IGSF11: variants seen among roughly 807,000 people sequenced by gnomAD.
IGSF11 encodes the protein immunoglobulin superfamily member 11.
IGSF11 carries 22 observed loss-of-function variants against 41.0 expected under a neutral mutation model. That is an observed-to-expected ratio of 0.54 (90% CI 0.38 to 0.77). The LOEUF is 0.77. Ranked by LOEUF, IGSF11 falls within the 30% of genes least tolerant of loss-of-function variation. IGSF11 has a pLI of 0.00. For missense variants in IGSF11, 444 were observed against 530.8 expected (o/e 0.84, Z 1.61); for synonymous variants, 219 against 201.3 (o/e 1.09, Z -0.74).
Position 118,904,817 on chromosome 3 carries a change from A to T in IGSF11, c.704-19T>A. On this transcript the variant is annotated intron_variant, in intron 5 of 6. Transcript: ENST00000393775. ...GGCTGGGCTGCAAAATATATTTAAG[A>T]TATATTTAAAGAAAAGAGAAAGAGA... 1 of 1,574,384 alleles carries T rather than the reference A, an allele frequency of 6.4e-7. No homozygotes were observed. The highest frequency in any genetic ancestry group is 8.6e-7 in the Non-Finnish European group (1 of 1,164,612).
chr3:119,040,913 A>G (rs957948688), intron 1 of IGSF11, among the ~76,000 whole-genome samples: 2 of 152,244 alleles, frequency 1.3e-5, no homozygotes, highest in Non-Finnish European at 2.9e-5. Flanking sequence ...AAATAATTCA[A>G]AATCAAGAAA....
intron 1 of IGSF11, among the ~76,000 whole-genome samples, chr3:118,990,714 G>A (rs1576573450): frequency 6.6e-6 from 1 of 152,110 alleles, no homozygotes; most frequent in East Asian, 1.9e-4. Context: ...CCCTTTCACT[G>A]TTTCTAACCC....
At chr3:119,105,784 C>T (rs2077013089), upstream of IGSF11, among the ~76,000 whole-genome samples, 1 of 152,160 alleles carries the variant, frequency 6.6e-6, no homozygotes, top group South Asian at 2.1e-4. Context: ...ATATCCAGGT[C>T]TTTCTCAGCC....
intron 4 of IGSF11, among the ~76,000 whole-genome samples, chr3:118,907,465 G>A (rs1939753569): frequency 6.6e-6 from 1 of 152,076 alleles, no homozygotes; most frequent in East Asian, 1.9e-4. Flanking sequence ...GGGGGATAGG[G>A]GAGCATACAG....
At chr3:118,976,053 T>C (rs1934062735) in intron 1 of IGSF11, among the ~76,000 whole-genome samples, 1 of 152,052 alleles carries the variant, frequency 6.6e-6, no homozygotes, top group Non-Finnish European at 1.5e-5. Flanking sequence ...AAACAGAACA[T>C]GAAACCGATA....
At chr3:118,961,869 C>CTGT (rs548429503) in intron 1 of IGSF11, among the ~76,000 whole-genome samples, 253 of 152,314 alleles carry the variant, frequency 1.7e-3, no homozygotes, top group African/African-American at 5.6e-3. Context: ...GCCATGGTTA[C>CTGT]TGTTAAGTTT....
At chr3:119,037,082 TA>T (rs1364292678), upstream of IGSF11, among the ~76,000 whole-genome samples, 2 of 152,208 alleles carry the variant, frequency 1.3e-5, no homozygotes, top group African/African-American at 2.4e-5. Context: ...GTGTGGTTTT[TA>T]AAAAAATTCA....
intron 1 of IGSF11, among the ~76,000 whole-genome samples, chr3:119,121,692 T>C (rs1233106023): frequency 6.7e-6 from 1 of 150,100 alleles, no homozygotes. Flanking sequence ...CATAAATGAG[T>C]CTGTAAATCC....
intron 1 of IGSF11, among the ~76,000 whole-genome samples, chr3:119,136,030 G>A (rs58529366): frequency 0.08 from 12,135 of 152,104 alleles, 642 homozygotes; most frequent in Admixed American, 0.16. Context: ...ACTTGGACAC[G>A]GGGAAGGGAA....
At chr3:119,046,533 G>A (rs1169668722) in intron 1 of IGSF11, among the ~76,000 whole-genome samples, 1 of 151,896 alleles carries the variant, frequency 6.6e-6, no homozygotes, top group African/African-American at 2.4e-5. Context: ...GTACCTGAAA[G>A]TGATGGGGAG....
rs1379184255 is a variant in IGSF11 at position 118,989,823 on chromosome 3, C to T, written c.52+44708G>A. Among the ~76,000 whole-genome samples the T allele has an allele frequency of 5.9e-5, 9 of 152,228 alleles. No individual in the cohort carries two copies. In the East Asian group the frequency reaches 1.7e-3, roughly 29 times the overall value. On this transcript the variant is annotated intron_variant, in intron 1 of 6. Coordinates refer to ENST00000393775, the MANE Select transcript of IGSF11 (RefSeq NM_001015887.3). ...AGGAGCAATGAATAGAGTGACATAA[C>T]AGAAGTACTATTTTCTATACTATAC...
intron 4 of IGSF11, among the ~76,000 whole-genome samples, chr3:118,920,876 A>G (rs7635851): frequency 6.6e-6 from 1 of 152,044 alleles, no homozygotes; most frequent in Non-Finnish European, 1.5e-5. Context: ...TAACACCTGC[A>G]ATATAATGGC....
chr3:118,970,770 C>T (rs958726602), intron 1 of IGSF11, among the ~76,000 whole-genome samples: 4 of 146,976 alleles, frequency 2.7e-5, no homozygotes, highest in East Asian at 2.0e-4. Context: ...AAAAAAACCA[C>T]AACTAATTTT....
At chr3:118,911,482 G>A (rs949776048) in intron 4 of IGSF11, among the ~76,000 whole-genome samples, 7 of 152,056 alleles carry the variant, frequency 4.6e-5, no homozygotes, top group South Asian at 2.1e-4. Context: ...TTGGGAGGCC[G>A]ACGCATTTGA....
upstream of IGSF11, among the ~76,000 whole-genome samples, chr3:119,107,578 G>A (rs1000417575): frequency 6.6e-6 from 1 of 151,924 alleles, no homozygotes; most frequent in Admixed American, 6.6e-5. Context: ...CTGTGCAGAA[G>A]CTCTTTAGTT....
At chr3:118,940,179 A>C (rs78378304) in intron 1 of IGSF11, among the ~76,000 whole-genome samples, 3,895 of 152,284 alleles carry the variant, frequency 0.026, 140 homozygotes, top group African/African-American at 0.089. Context: ...TGCAGATTGT[A>C]GTCACTGCAA....
intron 1 of IGSF11, among the ~76,000 whole-genome samples, chr3:119,061,815 C>T (rs1352736055): frequency 1.3e-5 from 2 of 150,766 alleles, no homozygotes; most frequent in Non-Finnish European, 2.9e-5. Flanking sequence ...TTTAAATATA[C>T]ATCAAAATTA....
At chr3:118,953,384 T>C (rs1164251250) in intron 1 of IGSF11, among the ~76,000 whole-genome samples, 5 of 152,362 alleles carry the variant, frequency 3.3e-5, no homozygotes, top group Non-Finnish European at 1.5e-5. Flanking sequence ...TTTTGTATAA[T>C]GACTTCTTTT....
chr3:118,935,307 TATATATATATATGTATATACACCCTGAG>T (rs1338135527), intron 1 of IGSF11, among the ~76,000 whole-genome samples: 25 of 141,862 alleles, frequency 1.8e-4, no homozygotes, highest in African/African-American at 6.5e-4. Flanking sequence ...TATACATATA[TATATATATATATGTATATACACCCTGAG>T]ATATATATAT....
Sources: allele counts gnomAD v4.1 joint callset (sites outside exome capture counted in the v4.1 genomes callset), GRCh38; gene constraint gnomAD v4.1.1; transcripts MANE v1.5; gene names NCBI Gene and HGNC (gene_info 2026-07-23, HGNC 2026-07-21).